The following ATP10B variants were observed in gnomAD, a reference collection of about 807,000 sequenced individuals.
ATP10B encodes phospholipid-transporting ATPase VB.
A neutral mutation model predicts 141.2 loss-of-function variants in ATP10B; 122 were observed. The ratio of observed to expected loss-of-function variants is 0.86; its 90% CI spans 0.75 to 1.00. The LOEUF is 1.00. Among genes scored for constraint, ATP10B ranks in the 50% least tolerant of loss-of-function variants. The probability of loss-of-function intolerance (pLI) is 0.00; values close to 1 mark genes in which losing one functional copy is unlikely to be tolerated. For missense variants in ATP10B, 1,876 were observed against 1,825.3 expected (o/e 1.03, Z -0.51); for synonymous variants, 685 against 692.0 (o/e 0.99, Z 0.16).
At chr5:160,640,675 G>C (rs977875468) in intron 9 of ATP10B, 83 bp from the exon 10 acceptor site, 48 of 1,521,142 alleles carry the variant, frequency 3.2e-5, no homozygotes, top group Non-Finnish European at 4.2e-5. Flanking sequence ...TCTCACAGGA[G>C]CTTAAGATAA....
At chr5:160,865,509 C>G in the ATP10B span, among the ~76,000 whole-genome samples, 2 of 152,052 alleles carry the variant, frequency 1.3e-5, no homozygotes, top group African/African-American at 4.8e-5. Flanking sequence ...TAGACATTGG[C>G]TTAGACAAAG....
rs1491429201 is a variant in ATP10B, at chr5:160,652,886, TAA to T, written c.676-3632_676-3631del. The stretch of plus-strand genomic sequence containing the variant: ...ATATATAATATATATAATATATATA[TAA>T]TTATATAATATATTATATATACATG... On this transcript the variant is annotated intron_variant, in intron 7 of 25. Transcript: ENST00000327245. Among the ~76,000 whole-genome samples, 156 of 89,190 alleles carry T rather than the reference TAA, an allele frequency of 1.7e-3. 7 individuals carry two copies. The highest frequency in any genetic ancestry group is 6.7e-3 in the African/African-American group (149 of 22,308). The allele number at this position is 89,190 out of a possible 152,430, so 58.5% of individuals were successfully genotyped here.
Position 160,785,761 on chromosome 5 carries a change from A to T in ATP10B, c.-533T>A. ...TCTTCACACTGTTGCTTTCATTGAA[A>T]CAAATGTCACCAGTCGGTTCTGATT... is the stretch of plus-strand genomic sequence containing the variant. On this transcript the variant is annotated 5_prime_UTR_variant, in exon 2 of 26. Coordinates refer to ENST00000327245, the MANE Select transcript of ATP10B (RefSeq NM_025153.3). The T allele has an allele frequency of 3.7e-6, 4 of 1,069,688 alleles. No individual in the cohort carries two copies. Among genetic ancestry groups the T allele is most frequent in the Non-Finnish European group, 4.9e-6 (4 of 816,144 alleles). 66.3% of individuals were successfully genotyped at this position (1,069,688 alleles called of 1,614,324 possible).
chr5:160,604,993 G>C (rs1394806564), intron 19 of ATP10B, among the ~76,000 whole-genome samples: 1 of 152,158 alleles, frequency 6.6e-6, no homozygotes, highest in African/African-American at 2.4e-5. Flanking sequence ...AAGCAAAATT[G>C]AACAGTTATT....
intron 25 of ATP10B, among the ~76,000 whole-genome samples, chr5:160,567,373 T>A (rs1053189554): frequency 6.6e-6 from 1 of 152,244 alleles, no homozygotes; most frequent in African/African-American, 2.4e-5. Flanking sequence ...GCCATGTATT[T>A]CTCAAATCCA....
chr5:160,687,982 G>C lies in ATP10B; in HGVS notation c.93C>G (p.Leu31=), dbSNP rs371916400. The part of the protein sequence containing the change: ...PHCPSETTPL[L]SPEKGRQSYN... ...AGCTCTGTCTCCCTTTCTCTGGAGA[G>C]AGCAGCGGTGTGGTTTCCGATGGAC... Residue 31 remains leucine (L), a synonymous_variant, in exon 5 of 26, where the codon CTC becomes CTG. Transcript: ENST00000327245. The C allele has an allele frequency of 3.1e-6, 5 of 1,614,110 alleles. No individual in the cohort carries two copies. The East Asian group carries it at 6.7e-5, about 22-fold the overall frequency.
chr5:160,694,850 AT>A, intron 3 of ATP10B, among the ~76,000 whole-genome samples: 1 of 152,238 alleles, frequency 6.6e-6, no homozygotes, highest in East Asian at 1.9e-4. Flanking sequence ...ATAAATATAT[AT>A]TCACCAACCA....
chr5:160,638,892 C>T (rs1289234315), intron 10 of ATP10B, among the ~76,000 whole-genome samples: 2 of 151,798 alleles, frequency 1.3e-5, no homozygotes, highest in Admixed American at 6.6e-5. Flanking sequence ...GGAGTCTTGG[C>T]CCCTCTTTAT....
At chr5:160,842,236 A>G (rs1775853188) in intron 1 of ATP10B, among the ~76,000 whole-genome samples, 3 of 152,206 alleles carry the variant, frequency 2.0e-5, no homozygotes, top group Admixed American at 6.5e-5. Context: ...TAACCCATGG[A>G]CCAAAGAATA....
At chr5:160,853,096 A>G (rs567537285), upstream of ATP10B, among the ~76,000 whole-genome samples, 1 of 152,332 alleles carries the variant, frequency 6.6e-6, no homozygotes, top group Non-Finnish European at 1.5e-5. Flanking sequence ...ACAAGAGAAG[A>G]AACACCCACA....
At chr5:160,622,938 G>A (rs115801208) in intron 13 of ATP10B, among the ~76,000 whole-genome samples, 148 of 151,634 alleles carry the variant, frequency 9.8e-4, no homozygotes, top group African/African-American at 3.5e-3. Context: ...TCCTTCCTAT[G>A]TATCACCTGC....
intron 16 of ATP10B, among the ~76,000 whole-genome samples, chr5:160,616,319 T>G (rs1757995649): frequency 6.6e-6 from 1 of 152,078 alleles, no homozygotes; most frequent in Non-Finnish European, 1.5e-5. Flanking sequence ...TATGAGAAAG[T>G]GTGATGGGAT....
intron 16 of ATP10B, among the ~76,000 whole-genome samples, chr5:160,616,376 T>G (rs1182613257): frequency 1.3e-5 from 2 of 152,190 alleles, no homozygotes; most frequent in Non-Finnish European, 2.9e-5. Context: ...AGTTTAGGTT[T>G]CCTCGACAAA....
intron 1 of ATP10B, among the ~76,000 whole-genome samples, chr5:160,794,380 C>CA (rs1438004790): frequency 5.9e-5 from 9 of 152,316 alleles, no homozygotes; most frequent in Non-Finnish European, 1.3e-4. Context: ...GGAAGGTAGG[C>CA]AATCCAGGTC....
chr5:160,918,716 G>T, the ATP10B span, among the ~76,000 whole-genome samples: 1 of 152,154 alleles, frequency 6.6e-6, no homozygotes, highest in Non-Finnish European at 1.5e-5. Context: ...ACAAAAGGGA[G>T]GTCTGTAACA....
At chr5:160,857,988 G>A in the ATP10B span, among the ~76,000 whole-genome samples, 1 of 151,734 alleles carries the variant, frequency 6.6e-6, no homozygotes, top group Non-Finnish European at 1.5e-5. Flanking sequence ...TTTCTTGGGG[G>A]AGAAGTATTC....
chr5:160,565,983 C>A (rs895749303), intron 25 of ATP10B, 83 bp from the exon 26 acceptor site: 6 of 1,321,094 alleles, frequency 4.5e-6, no homozygotes, highest in Middle Eastern at 2.6e-4. Flanking sequence ...TCTTTAGAAT[C>A]CAACTCCCTG....
At chr5:160,869,914 C>G in the ATP10B span, among the ~76,000 whole-genome samples, 1 of 152,086 alleles carries the variant, frequency 6.6e-6, no homozygotes, top group Admixed American at 6.6e-5. Flanking sequence ...AATAATGAAC[C>G]CTTCCCCTTC....
intron 1 of ATP10B, among the ~76,000 whole-genome samples, chr5:160,803,840 C>A (rs1312972805): frequency 6.6e-6 from 1 of 152,078 alleles, no homozygotes; most frequent in African/African-American, 2.4e-5. Flanking sequence ...AATCTTTTCC[C>A]CATGATTTAT....
Sources: gnomAD v4.1 joint callset for allele counts (sites outside exome capture counted in the v4.1 genomes callset) on GRCh38, gnomAD v4.1.1 for gene constraint, MANE v1.5 for transcripts, NCBI Gene and HGNC (gene_info 2026-07-23, HGNC 2026-07-21) for gene names.